The following WNK2 variants were observed in gnomAD, a reference collection of about 807,000 sequenced individuals.
WNK2 encodes serine/threonine-protein kinase WNK2.
WNK2 carries 67 observed loss-of-function variants against 192.1 expected under a neutral mutation model. That is an observed-to-expected ratio of 0.35 (90% CI 0.29 to 0.43). WNK2 has a LOEUF of 0.43. Ranked by LOEUF, WNK2 falls within the 20% of genes least tolerant of loss-of-function variation. The pLI, the probability that WNK2 is intolerant of heterozygous loss-of-function variation, is 1.00. For missense variants in WNK2, 2,698 were observed against 3,089.7 expected, an observed-to-expected ratio of 0.87 and a Z score of 3.01; for synonymous variants, 1,439 against 1,393.9, an observed-to-expected ratio of 1.03 and a Z score of -0.72.
Position 93,259,014 on chromosome 9 carries a change from C to G in WNK2, c.2466C>G (p.Thr822=). Reference sequence around the variant, plus strand: ...CTCCGGCCCTCCCAGACCTGCCGACCGCGACTGTGCCTCCCGTGCCACCAC... The same window carrying G: ...CTCCGGCCCTCCCAGACCTGCCGACGGCGACTGTGCCTCCCGTGCCACCAC... ...GLPPALPDLP[T]ATVPPVPPPQ... is the part of the protein sequence containing the mutation. The change falls in exon 12 of 30, where the codon ACC becomes ACG. Residue 822 remains threonine, a synonymous_variant. Transcript: ENST00000427277. This position sits in a 1 kb window ranked among gnomAD's most constrained non-coding sequence, Gnocchi z 4.8. 2 of 1,612,930 alleles carry G rather than the reference C, an allele frequency of 1.2e-6. No individual in the cohort carries two copies. Among genetic ancestry groups the G allele is most frequent in the Middle Eastern group, 1.6e-4 (1 of 6,062 alleles).
chr9:93,290,719 G>A (rs550084626), intron 21 of WNK2, among the ~76,000 whole-genome samples: 1 of 152,364 alleles, frequency 6.6e-6, no homozygotes, highest in South Asian at 2.1e-4. Flanking sequence ...GTGCGGTGGG[G>A]GGGGCGCTGT....
chr9:93,231,392 C>G (rs542365394), intron 4 of WNK2, among the ~76,000 whole-genome samples: 1 of 152,256 alleles, frequency 6.6e-6, no homozygotes, highest in Non-Finnish European at 1.5e-5. Flanking sequence ...GACTCTGGCC[C>G]CAGATGGTCT....
intron 19 of WNK2, among the ~76,000 whole-genome samples, chr9:93,288,241 C>T (rs146590755): frequency 6.6e-6 from 1 of 152,330 alleles, no homozygotes; most frequent in Non-Finnish European, 1.5e-5. Context: ...CACAGGGTCA[C>T]TGACCAGCCC....
At chr9:93,294,334 A>C (rs1044874998) in intron 23 of WNK2, among the ~76,000 whole-genome samples, 10 of 152,174 alleles carry the variant, frequency 6.6e-5, no homozygotes, top group African/African-American at 1.9e-4. Context: ...GCAGGAAGGC[A>C]GGGATGGGTG....
chr9:93,228,331 G>A (rs1838165414), intron 2 of WNK2, among the ~76,000 whole-genome samples: 1 of 152,138 alleles, frequency 6.6e-6, no homozygotes, highest in Admixed American at 6.5e-5. Context: ...TCTCTGCTTT[G>A]GAGTCTGGCT....
intron 8 of WNK2, among the ~76,000 whole-genome samples, chr9:93,251,525 C>CT (rs1564087841): frequency 6.6e-6 from 1 of 152,086 alleles, no homozygotes; most frequent in African/African-American, 2.4e-5. Context: ...GTCTGGGCAA[C>CT]GTGGCGAAAC....
chr9:93,254,820 G>A (rs1843060041), intron 9 of WNK2, among the ~76,000 whole-genome samples: 1 of 151,932 alleles, frequency 6.6e-6, no homozygotes, highest in African/African-American at 2.4e-5. Flanking sequence ...AAAAAAAAAA[G>A]AAAAGAAAAG....
At chr9:93,309,071 C>T in intron 28 of WNK2, 1 of 990,300 alleles carries the variant, frequency 1.0e-6, no homozygotes, top group South Asian at 4.7e-5. Flanking sequence ...GGTTTTCACA[C>T]CTAACTTGTT....
chr9:93,184,227 G>A lies in WNK2; in HGVS notation c.-161G>A, dbSNP rs1268908872. ...CGGGAGCGCGGCCCCGCAGTGGCCC[G>A]GCCCGAGAGAGCAGCGCGCAGGAGC... On this transcript the variant is annotated 5_prime_UTR_variant, in exon 1 of 30. Transcript: ENST00000427277. Among the ~76,000 whole-genome samples, 1 of 149,908 alleles carries A rather than the reference G, an allele frequency of 6.7e-6. No individual in the cohort carries two copies. The highest frequency in any genetic ancestry group is 2.4e-5 in the African/African-American group (1 of 40,932).
In WNK2 at chr9:93,259,546, G is replaced by C; in HGVS notation, c.2998G>C (p.Val1000Leu). Residue 1000 changes from valine (V) to leucine (L), a missense_variant, in exon 12 of 30, where the codon GTG becomes CTG. Val to Leu is a conservative substitution (Grantham distance 32, BLOSUM62 1). Around this residue, in one of 7 missense-constraint regions of WNK2, gnomAD observed 893 missense variants for 909.0 expected, o/e 0.98. Transcript: ENST00000427277. This position sits in a 1 kb window ranked among gnomAD's most constrained non-coding sequence, Gnocchi z 4.8. ...PVLPPQPALP[V>L]RPEPLQPHLP... ...GCTGCCCCCGCAGCCGGCACTGCCT[G>C]TGCGCCCTGAGCCCCTCCAGCCCCA... 1 of 1,593,070 alleles carries C rather than the reference G, an allele frequency of 6.3e-7. No individual in the cohort carries two copies. The highest frequency in any genetic ancestry group is 8.5e-7 in the Non-Finnish European group (1 of 1,176,826).
chr9:93,196,875 G>C (rs1202340972), intron 2 of WNK2, among the ~76,000 whole-genome samples: 1 of 152,164 alleles, frequency 6.6e-6, no homozygotes, highest in African/African-American at 2.4e-5. Context: ...GTCTGTGTGT[G>C]CTAGAGCCCT....
intron 3 of WNK2, among the ~76,000 whole-genome samples, chr9:93,230,429 C>T (rs1838569487): frequency 6.6e-6 from 1 of 152,186 alleles, no homozygotes; most frequent in South Asian, 2.1e-4. Context: ...CCCACCTCCT[C>T]CCAGGGCACA....
chr9:93,284,259 A>G lies in WNK2; in HGVS notation c.4034-4529A>G, dbSNP rs1048844578. ...ACTGAGAACATTATAAAATAGGAAG[A>G]TAACAGGTCAATCTCTTCCTCTCCC... On this transcript the variant is annotated intron_variant, in intron 19 of 29. Transcript: ENST00000427277. Among the ~76,000 whole-genome samples, 3 of 152,350 alleles carry G rather than the reference A, an allele frequency of 2.0e-5. No individual in the cohort carries two copies. The East Asian group carries it at 5.8e-4, about 29-fold the overall frequency.
At chr9:93,289,914 A>C in intron 20 of WNK2, 64 bp from the exon 21 acceptor site, 7 of 1,453,668 alleles carry the variant, frequency 4.8e-6, no homozygotes, top group Non-Finnish European at 6.6e-6. Context: ...ATTTGCAGAT[A>C]CAGCTGTTGA....
At chr9:93,256,175 C>T in intron 9 of WNK2, 124 bp from the exon 10 acceptor site, 1 of 1,198,458 alleles carries the variant, frequency 8.3e-7, no homozygotes, top group Non-Finnish European at 1.1e-6. Flanking sequence ...CTGTCATGTT[C>T]CTGGGAAGAG....
chr9:93,320,328 C>T (rs747235903), intron 29 of WNK2, 39 bp from the exon 30 acceptor site: 93 of 1,367,070 alleles, frequency 6.8e-5, no homozygotes, highest in Non-Finnish European at 8.8e-5. Context: ...GCCAGCACTG[C>T]GGTGGGCCCA....
chr9:93,297,938 C>T lies in WNK2; in HGVS notation c.5794C>T (p.Pro1932Ser). The T allele has an allele frequency of 6.3e-7, 1 of 1,588,804 alleles. No homozygotes were observed. Among genetic ancestry groups the T allele is most frequent in the Non-Finnish European group, 8.6e-7 (1 of 1,168,836 alleles). The stretch of plus-strand genomic sequence containing the variant: ...CCGCCGCCTGGGCAAGCCACTGCCC[C>T]CCAACGTGGGCTTCTTCCACACGGC... ...LYRRLGKPLP[P>S]NVGFFHTAPP... The change falls in exon 24 of 30, where the codon CCC becomes TCC. Residue 1932 changes from proline (P) to serine (S), a missense_variant. Physicochemically the swap from Pro to Ser is moderately conservative, Grantham distance 74 (BLOSUM62 -1). This residue lies in a region of WNK2 where 1,098 missense variants were observed against 1,101.0 expected (regional missense o/e 1.00). Transcript: ENST00000427277.
At chr9:93,195,686 A>G (rs1178803291) in intron 2 of WNK2, among the ~76,000 whole-genome samples, 3 of 119,298 alleles carry the variant, frequency 2.5e-5, no homozygotes, top group African/African-American at 1.0e-4. Flanking sequence ...GCAACAGAGT[A>G]AAGACTTTGT....
At position 93,184,162 on chromosome 9, in the gene WNK2, C is replaced by T. The variant is rs941362228; in HGVS notation, c.-226C>T. The stretch of plus-strand genomic sequence containing the variant: ...CCCTCCCCGCGCGCCGGGTCGGAGC[C>T]GGTGCGGGAGCGGAGCCGCGCGAAG... On this transcript the variant is annotated 5_prime_UTR_variant, in exon 1 of 30. Transcript: ENST00000427277. 6.0e-5 allele frequency among the ~76,000 whole-genome samples: 9 copies of T among 149,908 alleles called. No individual in the cohort carries two copies. Among genetic ancestry groups the T allele is most frequent in the East Asian group, 2.0e-4 (1 of 5,102 alleles).
Sources: allele counts gnomAD v4.1 joint callset (sites outside exome capture counted in the v4.1 genomes callset), GRCh38; gene constraint gnomAD v4.1.1; regional missense constraint gnomAD v4.1.1; non-coding constraint Gnocchi (gnomAD v3.1); transcripts MANE v1.5; gene names NCBI Gene and HGNC (gene_info 2026-07-23, HGNC 2026-07-21).